The following DHRS3 variants were observed in gnomAD, a reference collection of about 807,000 sequenced individuals.
DHRS3 encodes short-chain dehydrogenase/reductase 3.
Under a neutral mutation model 27.2 loss-of-function variants are expected in DHRS3, and 14 were observed. The observed-to-expected ratio is 0.52, with a 90% CI of 0.34 to 0.81. The LOEUF (loss-of-function observed/expected upper bound fraction) is 0.81, where lower values mean the gene tolerates loss of function less well. Among genes scored for constraint, DHRS3 ranks in the 30% least tolerant of loss-of-function variants. DHRS3 has a pLI of 0.01. For synonymous variants in DHRS3, 165 were observed against 175.9 expected, an observed-to-expected ratio of 0.94 and a Z score of 0.49; for missense variants, 322 against 406.2, an observed-to-expected ratio of 0.79 and a Z score of 1.78.
intron 3 of DHRS3, 121 bp downstream of exon 3, chr1:12,579,169 GCCA>G (rs144457264): frequency 0.16 from 240,229 of 1,513,502 alleles, 21,193 homozygotes; most frequent in Non-Finnish European, 0.18. Flanking sequence ...GTCTTGTCTG[GCCA>G]CCTTGTTCGT....
intron 2 of DHRS3, chr1:12,579,777 A>G: frequency 4.7e-6 from 1 of 214,526 alleles, no homozygotes; most frequent in South Asian, 7.6e-5. Flanking sequence ...CCGGTCCAAT[A>G]TACTTTTTAA....
At chr1:12,595,168 C>T (rs1296933361) in intron 1 of DHRS3, among the ~76,000 whole-genome samples, 1 of 152,176 alleles carries the variant, frequency 6.6e-6, no homozygotes, top group East Asian at 1.9e-4. Context: ...GCCCCAGCGC[C>T]TGGGACCCAC....
At chr1:12,616,840 G>T in intron 1 of DHRS3, 3 of 555,234 alleles carry the variant, frequency 5.4e-6, no homozygotes, top group Non-Finnish European at 8.4e-6. Flanking sequence ...GGGGAGGGGG[G>T]CACAACACCT....
chr1:12,588,873 G>C (rs1646721709), intron 1 of DHRS3, among the ~76,000 whole-genome samples: 1 of 152,244 alleles, frequency 6.6e-6, no homozygotes, highest in Non-Finnish European at 1.5e-5. Flanking sequence ...TGAGACCCTG[G>C]GCAGGTCTTT....
chr1:12,580,757 T>C, intron 1 of DHRS3, 91 bp from the exon 2 acceptor site: 1 of 1,479,264 alleles, frequency 6.8e-7, no homozygotes, highest in Non-Finnish European at 9.1e-7. Flanking sequence ...TTAAAGTCAT[T>C]TGTCTTGAAA....
intron 1 of DHRS3, among the ~76,000 whole-genome samples, chr1:12,605,726 A>G (rs1646866127): frequency 6.6e-6 from 1 of 152,220 alleles, no homozygotes; most frequent in South Asian, 2.1e-4. Flanking sequence ...TCAGAGCAAC[A>G]TAAATTCTCC....
chr1:12,590,478 T>C (rs1394746071), intron 1 of DHRS3, among the ~76,000 whole-genome samples: 1 of 151,964 alleles, frequency 6.6e-6, no homozygotes, highest in African/African-American at 2.4e-5. Context: ...GCCCGGCTAA[T>C]TTTGTAATTT....
chr1:12,570,505 G>A (rs1192052008), intron 5 of DHRS3, among the ~76,000 whole-genome samples: 6 of 152,178 alleles, frequency 3.9e-5, no homozygotes, highest in African/African-American at 1.4e-4. Context: ...TGGTATTAGA[G>A]TTGAGCCTTG....
intron 4 of DHRS3, among the ~76,000 whole-genome samples, chr1:12,573,246 C>T (rs529628829): frequency 2.6e-4 from 40 of 152,330 alleles, no homozygotes; most frequent in African/African-American, 8.7e-4. Context: ...ATCACATGCT[C>T]GGGTCAGGGC....
chr1:12,576,332 G>A (rs543927441), intron 4 of DHRS3, among the ~76,000 whole-genome samples: 1 of 151,976 alleles, frequency 6.6e-6, no homozygotes, highest in Non-Finnish European at 1.5e-5. Flanking sequence ...GGAGGCCGAG[G>A]TGGACGGATC....
At chr1:12,609,748 C>T (rs12028194) in intron 1 of DHRS3, among the ~76,000 whole-genome samples, 91,436 of 151,936 alleles carry the variant, frequency 0.6, 27,810 homozygotes, top group African/African-American at 0.69. Context: ...ATGCTTGAGT[C>T]GTGGGGCCAG....
chr1:12,584,830 C>A (rs1646678345), intron 1 of DHRS3, among the ~76,000 whole-genome samples: 1 of 152,124 alleles, frequency 6.6e-6, no homozygotes, highest in Non-Finnish European at 1.5e-5. Flanking sequence ...ATCCCTGTGC[C>A]AGGCTCTGTG....
chr1:12,608,177 T>C lies in DHRS3; in HGVS notation c.195+8977A>G, dbSNP rs2100720294. Among the ~76,000 whole-genome samples, 1 of 152,290 alleles carries C rather than the reference T, an allele frequency of 6.6e-6. No individual in the cohort carries two copies. The highest frequency in any genetic ancestry group is 2.1e-4 in the South Asian group (1 of 4,818). On this transcript the variant is annotated intron_variant, in intron 1 of 5. Coordinates refer to ENST00000616661, the MANE Select transcript of DHRS3 (RefSeq NM_004753.7). This position sits in a 1 kb window ranked among gnomAD's most constrained non-coding sequence, Gnocchi z 4.1. ...CAGGAGTGAGCCACTGTGCCTGGCCTATATTTTTTATTTTCATCCTTTAAT... is the reference window on the plus strand; with the variant it reads ...CAGGAGTGAGCCACTGTGCCTGGCCCATATTTTTTATTTTCATCCTTTAAT...
At chr1:12,589,375 CTTTTCTTTTCT>C (rs1471644399) in intron 1 of DHRS3, among the ~76,000 whole-genome samples, 35 of 148,714 alleles carry the variant, frequency 2.4e-4, no homozygotes, top group Admixed American at 8.0e-4. Context: ...CACTCTTTTT[CTTTTCTTTTCT>C]TTTTCTTTTT....
At position 12,592,291 on chromosome 1, in the gene DHRS3, G is replaced by T. The variant is rs923721780; in HGVS notation, c.196-11625C>A. On this transcript the variant is annotated intron_variant, in intron 1 of 5. Coordinates refer to ENST00000616661, the MANE Select transcript of DHRS3 (RefSeq NM_004753.7). This position sits in a 1 kb window ranked among gnomAD's most constrained non-coding sequence, Gnocchi z 4.2. ...AGCTGAGTCCAAGTCCTAACCCTTG[G>T]TACCTGTGAATGTGACCTTATGCTG... 6.6e-6 allele frequency among the ~76,000 whole-genome samples: 1 copy of T among 152,172 alleles called. No individual in the cohort carries two copies. Among genetic ancestry groups the T allele is most frequent in the Non-Finnish European group, 1.5e-5 (1 of 68,030 alleles).
At chr1:12,588,439 A>C (rs1005147975) in intron 1 of DHRS3, among the ~76,000 whole-genome samples, 3 of 152,250 alleles carry the variant, frequency 2.0e-5, no homozygotes, top group Admixed American at 1.3e-4. Flanking sequence ...GCAGCTCATA[A>C]GAGCAGATCT....
At chr1:12,589,657 A>T (rs1047977642) in intron 1 of DHRS3, among the ~76,000 whole-genome samples, 2 of 152,010 alleles carry the variant, frequency 1.3e-5, no homozygotes, top group Non-Finnish European at 2.9e-5. Flanking sequence ...CACTTTGAAG[A>T]GTAGTTGGGA....
rs777373886 is a variant in DHRS3 at position 12,578,639 on chromosome 1, T to A, written c.698+79A>T. 2.1e-6 allele frequency: 3 copies of A among 1,406,586 alleles called. No homozygotes were observed. The highest frequency in any genetic ancestry group is 3.0e-6 in the Non-Finnish European group (3 of 999,282). The allele number at this position is 1,406,586 out of a possible 1,614,324, so 87.1% of individuals were successfully genotyped here. ...TAGCCCGATTTTTATATCAGAGCTC[T>A]TTCTGCAGTTGGCTGACTGAATGGC... is the stretch of plus-strand genomic sequence containing the variant. On this transcript the variant is annotated intron_variant, in intron 4 of 5. Coordinates refer to ENST00000616661, the MANE Select transcript of DHRS3 (RefSeq NM_004753.7). The surrounding 1 kb of genome is among the most constrained non-coding windows in gnomAD (Gnocchi z 4.5).
intron 4 of DHRS3, 125 bp from the exon 5 acceptor site, chr1:12,572,978 CTTG>C: frequency 8.2e-7 from 1 of 1,221,362 alleles, no homozygotes; most frequent in Non-Finnish European, 1.1e-6. Context: ...TCGAGGCCTG[CTTG>C]GAATACTCCC....
Sources: allele counts gnomAD v4.1 joint callset (sites outside exome capture counted in the v4.1 genomes callset), GRCh38; gene constraint gnomAD v4.1.1; non-coding constraint Gnocchi (gnomAD v3.1); transcripts MANE v1.5; gene names NCBI Gene and HGNC (gene_info 2026-07-23, HGNC 2026-07-21).